Variants in CNTNAP3B observed in about 807,000 individuals in gnomAD.
CNTNAP3B encodes the protein contactin associated protein family member 3B.
A neutral mutation model predicts 108.9 loss-of-function variants in CNTNAP3B; 25 were observed. The ratio of observed to expected loss-of-function variants is 0.23; its 90% CI spans 0.17 to 0.32. The LOEUF is 0.32. Among genes scored for constraint, CNTNAP3B ranks in the 10% least tolerant of loss-of-function variants. The probability of loss-of-function intolerance (pLI) is 1.00; values close to 1 mark genes in which losing one functional copy is unlikely to be tolerated. For missense variants in CNTNAP3B, 252 were observed against 1,210.4 expected, an observed-to-expected ratio of 0.21 and a Z score of 11.75; for synonymous variants, 103 against 473.4, an observed-to-expected ratio of 0.22 and a Z score of 10.16.
chr9:41,924,628 C>A (rs1399863617), intron 15 of CNTNAP3B, among the ~76,000 whole-genome samples: 2 of 148,008 alleles, frequency 1.4e-5, no homozygotes, highest in African/African-American at 5.1e-5. Context: ...AGAACACAGA[C>A]TCTTGCTTTC....
intron 1 of CNTNAP3B, among the ~76,000 whole-genome samples, chr9:42,127,789 A>G (rs1379817645): frequency 7.2e-6 from 1 of 139,622 alleles, no homozygotes; most frequent in Non-Finnish European, 1.5e-5. Flanking sequence ...ATCATGATGC[A>G]CAGTGAGTGC....
chr9:42,097,540 A>G (rs1409412216), intron 2 of CNTNAP3B, among the ~76,000 whole-genome samples: 2 of 140,282 alleles, frequency 1.4e-5, no homozygotes, highest in African/African-American at 2.8e-5. Flanking sequence ...GGAACTTTCC[A>G]AAATTTAGTA....
chr9:41,942,768 G>T (rs1450805654), intron 13 of CNTNAP3B, among the ~76,000 whole-genome samples: 4 of 152,272 alleles, frequency 2.6e-5, no homozygotes, highest in East Asian at 1.9e-4. Flanking sequence ...TTAAGACAGA[G>T]TCTCTGGGAA....
chr9:41,957,617 C>T (rs1325955602), intron 12 of CNTNAP3B, among the ~76,000 whole-genome samples: 3 of 149,624 alleles, frequency 2.0e-5, no homozygotes. Context: ...CATCTTGCTG[C>T]TTACATTGTT....
rs563915960 is a variant in CNTNAP3B at position 42,110,006 on chromosome 9, G to T, written c.86-5267C>A. Among the ~76,000 whole-genome samples, 10 of 138,844 alleles carry T rather than the reference G, an allele frequency of 7.2e-5. No homozygotes were observed. In the South Asian group the frequency reaches 9.3e-4, roughly 13 times the overall value. 91.1% of individuals were successfully genotyped at this position (138,844 alleles called of 152,430 possible). A position where few individuals can be genotyped will look rare whatever the true frequency, so the allele number is the denominator to read the frequency against. Reference sequence around the variant, plus strand: ...AACGAAGAATGCATGTCCCCCTAGAGCCTTCGTAGGGAGTGTGGCCCATCT... The same window carrying T: ...AACGAAGAATGCATGTCCCCCTAGATCCTTCGTAGGGAGTGTGGCCCATCT... On this transcript the variant is annotated intron_variant, in intron 1 of 23. Transcript: ENST00000377561.
rs1156882673 is a variant in CNTNAP3B, at chr9:42,030,813, G to GAGAGA, written c.391-17289_391-17288insTCTCT. Among the ~76,000 whole-genome samples the GAGAGA allele has an allele frequency of 4.5e-3, 298 of 65,774 alleles. 34 individuals are homozygous for GAGAGA. Among genetic ancestry groups the GAGAGA allele is most frequent in the African/African-American group, 0.016 (201 of 12,750 alleles). The allele number at this position is 65,774 out of a possible 152,430, so 43.2% of individuals were successfully genotyped here. On this transcript the variant is annotated intron_variant, in intron 3 of 23. Coordinates refer to ENST00000377561, the MANE Select transcript of CNTNAP3B (RefSeq NM_001201380.3). The stretch of plus-strand genomic sequence containing the variant: ...TGTGCGAGAGAGAGAGAGAGAGAGA[G>GAGAGA]GAGAGAGAGAGAGAGAGAGAGAGAG...
At chr9:42,086,307 C>G (rs935970319) in intron 2 of CNTNAP3B, among the ~76,000 whole-genome samples, 3 of 138,488 alleles carry the variant, frequency 2.2e-5, no homozygotes, top group Admixed American at 2.2e-4. Context: ...ATTATGAGAG[C>G]TACAATTCAA....
intron 11 of CNTNAP3B, among the ~76,000 whole-genome samples, chr9:41,963,453 T>C (rs1237301781): frequency 1.3e-5 from 2 of 150,020 alleles, no homozygotes; most frequent in African/African-American, 5.0e-5. Flanking sequence ...TAAAACGGCA[T>C]GGCCTTTGAA....
rs1825782667 is a variant in CNTNAP3B, at chr9:41,990,355, T to C, written c.1333+1255A>G. Among the ~76,000 whole-genome samples, 3 of 126,696 alleles carry C rather than the reference T, an allele frequency of 2.4e-5. No homozygotes were observed. The South Asian group carries it at 8.0e-4, about 34-fold the overall frequency. 83.1% of individuals were successfully genotyped at this position (126,696 alleles called of 152,430 possible). A position where few individuals can be genotyped will look rare whatever the true frequency, so the allele number is the denominator to read the frequency against. On this transcript the variant is annotated intron_variant, in intron 8 of 23. Transcript: ENST00000377561. ...TGAGGAAATGGAAACTAGGTTTGCA[T>C]TTCTAAAAGATAAAAAATATACGTC...
intron 8 of CNTNAP3B, among the ~76,000 whole-genome samples, chr9:41,990,425 G>T (rs1468471744): frequency 2.3e-5 from 3 of 131,350 alleles, no homozygotes; most frequent in Non-Finnish European, 4.8e-5. Context: ...CCTGTGTGAG[G>T]TGGACACAGA....
At chr9:41,987,791 C>G (rs1392246416) in intron 8 of CNTNAP3B, among the ~76,000 whole-genome samples, 1 of 148,322 alleles carries the variant, frequency 6.7e-6, no homozygotes, top group African/African-American at 2.5e-5. Flanking sequence ...ATTAAATTAA[C>G]TTTGCACTGA....
At chr9:42,111,122 T>C (rs28404212) in intron 1 of CNTNAP3B, among the ~76,000 whole-genome samples, 58,511 of 133,910 alleles carry the variant, frequency 0.44, 17,067 homozygotes, top group East Asian at 0.7. Flanking sequence ...CAACTGAATG[T>C]CATGCCTGTC....
chr9:42,127,766 G>A lies in CNTNAP3B; in HGVS notation c.85+1244C>T, dbSNP rs1402708890. On this transcript the variant is annotated intron_variant, in intron 1 of 23. Transcript: ENST00000377561. The stretch of plus-strand genomic sequence containing the variant: ...GGGCACACCAAGTGTAGGATTAACT[G>A]AGGCACAACTGAATCATGATGCACA... Among the ~76,000 whole-genome samples, 70 of 139,444 alleles carry A rather than the reference G, an allele frequency of 5.0e-4. 15 individuals carry two copies. Among genetic ancestry groups the A allele is most frequent in the African/African-American group, 1.9e-3 (68 of 35,090 alleles). 91.5% of individuals were successfully genotyped at this position (139,444 alleles called of 152,430 possible).
rs1827965593 is a variant in CNTNAP3B at position 42,098,820 on chromosome 9, A to T, written c.196+5809T>A. Reference sequence around the variant, plus strand: ...TGAGATAATTATTTGTGCTAATAATAGAAAGAAAGTGTGTATCCACTCCTG... The same window carrying T: ...TGAGATAATTATTTGTGCTAATAATTGAAAGAAAGTGTGTATCCACTCCTG... On this transcript the variant is annotated intron_variant, in intron 2 of 23. Coordinates refer to ENST00000377561, the MANE Select transcript of CNTNAP3B (RefSeq NM_001201380.3). 3.1e-5 allele frequency among the ~76,000 whole-genome samples: 4 copies of T among 130,830 alleles called. 1 individual carries two copies. The Admixed American group carries it at 3.1e-4, about 10-fold the overall frequency. The allele number at this position is 130,830 out of a possible 152,430, so 85.8% of individuals were successfully genotyped here. A position where few individuals can be genotyped will look rare whatever the true frequency, so the allele number is the denominator to read the frequency against.
At position 42,034,209 on chromosome 9, in the gene CNTNAP3B, T is replaced by TCTATCTATCTATCTATCTATCTAA. The variant is rs1355339196; in HGVS notation, c.391-20685_391-20684insTTAGATAGATAGATAGATAGATAG. Among the ~76,000 whole-genome samples, 4 of 135,848 alleles carry TCTATCTATCTATCTATCTATCTAA rather than the reference T, an allele frequency of 2.9e-5. No individual in the cohort carries two copies. The South Asian group carries it at 9.7e-4, about 33-fold the overall frequency. 89.1% of individuals were successfully genotyped at this position (135,848 alleles called of 152,430 possible). A position where few individuals can be genotyped will look rare whatever the true frequency, so the allele number is the denominator to read the frequency against. On this transcript the variant is annotated intron_variant, in intron 3 of 23. Coordinates refer to ENST00000377561, the MANE Select transcript of CNTNAP3B (RefSeq NM_001201380.3). ...ATGTATCTATCTATCTATCTATCTA[T>TCTATCTATCTATCTATCTATCTAA]CTATTTCTCATCTATACATAATAAC...
intron 1 of CNTNAP3B, among the ~76,000 whole-genome samples, chr9:42,115,931 G>A (rs926572242): frequency 1.5e-5 from 2 of 131,394 alleles, no homozygotes; most frequent in African/African-American, 6.2e-5. Flanking sequence ...CGAGCTAAAG[G>A]AGGATGTTCG....
At chr9:41,966,368 C>A (rs1825274925) in intron 10 of CNTNAP3B, among the ~76,000 whole-genome samples, 1 of 152,304 alleles carries the variant, frequency 6.6e-6, no homozygotes, top group Admixed American at 6.5e-5. Context: ...AGACTATCAA[C>A]ATGTATACAC....
intron 3 of CNTNAP3B, among the ~76,000 whole-genome samples, chr9:42,036,770 G>A (rs1055730400): frequency 5.8e-5 from 8 of 137,186 alleles, no homozygotes; most frequent in Non-Finnish European, 7.8e-5. Context: ...CCTGACCCCC[G>A]AGTAGCCTAA....
rs569107870 is a variant in CNTNAP3B at position 42,115,718 on chromosome 9, C to T, written c.86-10979G>A. On this transcript the variant is annotated intron_variant, in intron 1 of 23. Coordinates refer to ENST00000377561, the MANE Select transcript of CNTNAP3B (RefSeq NM_001201380.3). Reference sequence around the variant, plus strand: ...ACACAAAACCCCATCTGTACGTCACCACCATCAAAGACCAAAGGTACATAA... The same window carrying T: ...ACACAAAACCCCATCTGTACGTCACTACCATCAAAGACCAAAGGTACATAA... Among the ~76,000 whole-genome samples, 553 of 118,130 alleles carry T rather than the reference C, an allele frequency of 4.7e-3. 60 individuals are homozygous for T. The highest frequency in any genetic ancestry group is 7.7e-3 in the Non-Finnish European group (442 of 57,606). The allele number at this position is 118,130 out of a possible 152,430, so 77.5% of individuals were successfully genotyped here.
Sources: allele counts gnomAD v4.1 joint callset (sites outside exome capture counted in the v4.1 genomes callset), GRCh38; gene constraint gnomAD v4.1.1; transcripts MANE v1.5; gene names NCBI Gene and HGNC (gene_info 2026-07-23, HGNC 2026-07-21).